Variants in NTRK3 observed in about 807,000 individuals in gnomAD.
NTRK3 encodes neurotrophic receptor tyrosine kinase 3, also known as NT-3 growth factor receptor.
A neutral mutation model predicts 91.7 loss-of-function variants in NTRK3; 24 were observed. That is an observed-to-expected ratio of 0.26 (90% CI 0.19 to 0.37). The LOEUF is 0.37. Ranked by LOEUF, NTRK3 falls within the 10% of genes least tolerant of loss-of-function variation. The pLI, the probability that NTRK3 is intolerant of heterozygous loss-of-function variation, is 1.00. For synonymous variants in NTRK3, 483 were observed against 404.0 expected, an observed-to-expected ratio of 1.20 and a Z score of -2.34; for missense variants, 880 against 1,068.9, an observed-to-expected ratio of 0.82 and a Z score of 2.46.
chr15:87,894,985 A>C (rs557130835), intron 17 of NTRK3, among the ~76,000 whole-genome samples: 1 of 152,214 alleles, frequency 6.6e-6, no homozygotes, highest in South Asian at 2.1e-4. Context: ...TATCATCTGG[A>C]TTCCTGGTAT....
chr15:88,002,168 G>GTTTT (rs770668339), intron 14 of NTRK3, among the ~76,000 whole-genome samples: 24 of 70,180 alleles, frequency 3.4e-4, no homozygotes, highest in African/African-American at 1.2e-3. Context: ...GATAGTGGTT[G>GTTTT]TTTTTTTTTT....
intron 14 of NTRK3, among the ~76,000 whole-genome samples, chr15:87,955,263 T>C (rs1214523976): frequency 6.6e-6 from 1 of 152,204 alleles, no homozygotes; most frequent in Non-Finnish European, 1.5e-5. Context: ...ATAACACACC[T>C]ACTCCACCTG....
chr15:88,115,799 G>A (rs1054929876), intron 13 of NTRK3, among the ~76,000 whole-genome samples: 1 of 152,218 alleles, frequency 6.6e-6, no homozygotes, highest in Non-Finnish European at 1.5e-5. Context: ...ACCACCTAGG[G>A]CAGTGTCTCT....
intron 14 of NTRK3, among the ~76,000 whole-genome samples, chr15:87,974,115 C>A (rs1266658223): frequency 2.0e-5 from 3 of 152,158 alleles, no homozygotes; most frequent in Non-Finnish European, 4.4e-5. Context: ...CATGCCTGGT[C>A]TTGACCTGAG....
At chr15:88,211,074 G>A (rs1173995629) in intron 3 of NTRK3, among the ~76,000 whole-genome samples, 1 of 152,126 alleles carries the variant, frequency 6.6e-6, no homozygotes, top group Admixed American at 6.5e-5. Context: ...ATAATTTAGT[G>A]GCATTTAATA....
intron 10 of NTRK3, among the ~76,000 whole-genome samples, chr15:88,132,534 C>A (rs778887935): frequency 2.0e-5 from 3 of 152,202 alleles, no homozygotes; most frequent in Non-Finnish European, 2.9e-5. Flanking sequence ...CTAAGTCTGT[C>A]TGATTTCAGA....
chr15:88,056,204 T>TATATATATATATATATGTA (rs377120482), intron 13 of NTRK3, among the ~76,000 whole-genome samples: 4 of 95,230 alleles, frequency 4.2e-5, no homozygotes. Context: ...ATATATATAT[T>TATATATATATATATATGTA]TTTTTTTTAA....
At chr15:88,018,508 T>G (rs1437017984) in intron 14 of NTRK3, among the ~76,000 whole-genome samples, 2 of 152,264 alleles carry the variant, frequency 1.3e-5, no homozygotes, top group East Asian at 3.9e-4. Flanking sequence ...CTTAACTTCC[T>G]TGCTTCCCTA....
At chr15:88,172,401 G>GA (rs752033841) in intron 5 of NTRK3, among the ~76,000 whole-genome samples, 26 of 152,022 alleles carry the variant, frequency 1.7e-4, no homozygotes, top group African/African-American at 5.8e-4. Context: ...GGAAGAGGGG[G>GA]AAAAAAGAGA....
In NTRK3 at chr15:88,255,472, G is replaced by GCGCTGCCGC. The variant is rs750790239; in HGVS notation, c.248+425_248+433dup. ...ATCTGTCACCTTCCCTGCCGGCTAA[G>GCGCTGCCGC]CGCTGCCGCCGCTGCCACCGCCGCT... On this transcript the variant is annotated intron_variant, in intron 3 of 18. Coordinates refer to ENST00000394480, the Ensembl canonical transcript of NTRK3. This position sits in a 1 kb window ranked among gnomAD's most constrained non-coding sequence, Gnocchi z 4.3. 7.6e-4 allele frequency among the ~76,000 whole-genome samples: 116 copies of GCGCTGCCGC among 152,348 alleles called. No individual in the cohort carries two copies. The highest frequency in any genetic ancestry group is 1.2e-3 in the Non-Finnish European group (85 of 68,028).
At chr15:88,032,223 G>A (rs544855986) in intron 14 of NTRK3, among the ~76,000 whole-genome samples, 1 of 152,046 alleles carries the variant, frequency 6.6e-6, no homozygotes, top group Non-Finnish European at 1.5e-5. Flanking sequence ...GGCCTAGCAG[G>A]GCTCAGCAGA....
chr15:87,971,776 G>T (rs889454712), intron 14 of NTRK3, among the ~76,000 whole-genome samples: 3 of 152,178 alleles, frequency 2.0e-5, no homozygotes, highest in Admixed American at 2.0e-4. Context: ...CATGTCACAG[G>T]CTCTGTAGAC....
chr15:88,242,972 T>C (rs2052504766), intron 3 of NTRK3, among the ~76,000 whole-genome samples: 1 of 152,310 alleles, frequency 6.6e-6, no homozygotes, highest in Admixed American at 6.5e-5. Context: ...GCCCTAGGGA[T>C]GGGAGCCAGA....
intron 14 of NTRK3, among the ~76,000 whole-genome samples, chr15:87,971,188 T>C (rs1208339709): frequency 6.6e-6 from 1 of 152,170 alleles, no homozygotes; most frequent in Non-Finnish European, 1.5e-5. Context: ...TGGTGGTGCC[T>C]CCCCTGCTGC....
At chr15:88,060,127 C>T (rs947233652) in intron 13 of NTRK3, among the ~76,000 whole-genome samples, 2 of 152,084 alleles carry the variant, frequency 1.3e-5, no homozygotes, top group Non-Finnish European at 2.9e-5. Flanking sequence ...AGGTGGCTCA[C>T]GCCTGTAATT....
chr15:88,134,337 C>T (rs2041669315), intron 10 of NTRK3, among the ~76,000 whole-genome samples: 1 of 152,210 alleles, frequency 6.6e-6, no homozygotes, highest in Non-Finnish European at 1.5e-5. Flanking sequence ...ATATTTAAAG[C>T]ATCTTAGCCC....
chr15:87,907,339 G>A (rs531016134), intron 17 of NTRK3, among the ~76,000 whole-genome samples: 2 of 152,272 alleles, frequency 1.3e-5, no homozygotes, highest in African/African-American at 4.8e-5. Context: ...ACACTTGTTA[G>A]TACTGAAAAT....
chr15:88,036,810 C>T (rs139232324), intron 13 of NTRK3, among the ~76,000 whole-genome samples: 82 of 152,184 alleles, frequency 5.4e-4, no homozygotes, highest in African/African-American at 1.9e-3. Flanking sequence ...CCAACCCCGC[C>T]CCTTTCTGTT....
intron 14 of NTRK3, among the ~76,000 whole-genome samples, chr15:88,022,582 G>A (rs2077680439): frequency 6.6e-6 from 1 of 152,112 alleles, no homozygotes; most frequent in Non-Finnish European, 1.5e-5. Context: ...AAACATGCCA[G>A]GAAGACAAGT....
Sources: allele counts gnomAD v4.1 joint callset (sites outside exome capture counted in the v4.1 genomes callset), GRCh38; gene constraint gnomAD v4.1.1; non-coding constraint Gnocchi (gnomAD v3.1); transcripts MANE v1.5; gene names NCBI Gene and HGNC (gene_info 2026-07-23, HGNC 2026-07-21).